The following SCUBE3 variants were observed in gnomAD, a reference collection of about 807,000 sequenced individuals.
The protein encoded by SCUBE3 is signal peptide, CUB and EGF-like domain-containing protein 3.
In SCUBE3, 33 loss-of-function variants were observed where a neutral mutation model predicts 116.8. That is an observed-to-expected ratio of 0.28 (90% CI 0.21 to 0.38). SCUBE3 has a LOEUF of 0.38. SCUBE3 is among the 10% of genes least tolerant of loss of function. The pLI is 1.00. For missense variants in SCUBE3, 1,007 were observed against 1,324.8 expected, an observed-to-expected ratio of 0.76 and a Z score of 3.72; for synonymous variants, 418 against 496.9, an observed-to-expected ratio of 0.84 and a Z score of 2.11.
Position 35,231,525 on chromosome 6 carries a change from C to G in SCUBE3, c.335-200C>G, listed in dbSNP as rs139869572. ...CAAAGGTCCCCTTTTCCCCCACTTG[C>G]TTAGCTTCCCAGCTCTGCCCTCAGG... On this transcript the variant is annotated intron_variant, in intron 3 of 21. Transcript: ENST00000274938. This position sits in a 1 kb window ranked among gnomAD's most constrained non-coding sequence, Gnocchi z 4.2. Among the ~76,000 whole-genome samples the G allele has an allele frequency of 6.6e-6, 1 of 152,320 alleles. No individual in the cohort carries two copies. The highest frequency in any genetic ancestry group is 2.4e-5 in the African/African-American group (1 of 41,564).
rs1438456665 is a variant in SCUBE3 at position 35,232,408 on chromosome 6, T to C, written c.470-442T>C. On this transcript the variant is annotated intron_variant, in intron 4 of 21. Coordinates refer to ENST00000274938, the MANE Select transcript of SCUBE3 (RefSeq NM_152753.4). This position sits in a 1 kb window ranked among gnomAD's most constrained non-coding sequence, Gnocchi z 4.2. Reference sequence around the variant, plus strand: ...TGAATAAAATTGCATAGTAAATATCTATACCAATTACCCTCCACTCTCATT... The same window carrying C: ...TGAATAAAATTGCATAGTAAATATCCATACCAATTACCCTCCACTCTCATT... Among the ~76,000 whole-genome samples, 1 of 152,164 alleles carries C rather than the reference T, an allele frequency of 6.6e-6. No homozygotes were observed. The highest frequency in any genetic ancestry group is 1.9e-4 in the East Asian group (1 of 5,202).
Position 35,247,580 on chromosome 6 carries a change from C to T in SCUBE3, c.2833-976C>T, listed in dbSNP as rs184293244. Among the ~76,000 whole-genome samples, 924 of 152,146 alleles carry T rather than the reference C, an allele frequency of 6.1e-3. 8 individuals carry two copies. Among genetic ancestry groups the T allele is most frequent in the Non-Finnish European group, 9.0e-3 (612 of 68,014 alleles). On this transcript the variant is annotated intron_variant, in intron 21 of 21. Transcript: ENST00000274938. ...CCTTGACAACAAAAATCACCTAGAA[C>T]TTGCAGACTTCAAAGAATATACTTT...
In SCUBE3 at chr6:35,243,124, C is replaced by A. The variant is rs1562057890; in HGVS notation, c.1797C>A (p.Arg599=). The change falls in exon 15 of 22, where the codon CGC becomes CGA. Residue 599 remains arginine, a synonymous_variant. Coordinates refer to ENST00000274938, the MANE Select transcript of SCUBE3 (RefSeq NM_152753.4). This position sits in a 1 kb window ranked among gnomAD's most constrained non-coding sequence, Gnocchi z 6.6. ...TCAACCAGGACCGCTTCCTGCTGCG[C>A]CTGGCAGGCCTTGATTATGAGCTGG... is the stretch of plus-strand genomic sequence containing the variant. ...KSINQDRFLL[R]LAGLDYELAH... is the part of the protein sequence containing the mutation. 3 of 1,614,116 alleles carry A rather than the reference C, an allele frequency of 1.9e-6. No homozygotes were observed. The highest frequency in any genetic ancestry group is 3.3e-5 in the Admixed American group (2 of 60,014).
intron 1 of SCUBE3, among the ~76,000 whole-genome samples, chr6:35,220,076 T>C (rs1406873615): frequency 1.3e-5 from 2 of 152,216 alleles, no homozygotes; most frequent in Admixed American, 1.3e-4. Flanking sequence ...ACATTTCAGC[T>C]CCTTCCGCTC....
At position 35,241,785 on chromosome 6, in the gene SCUBE3, G is replaced by A. The variant is rs1243125728; in HGVS notation, c.1313-21G>A. 1.3e-6 allele frequency: 2 copies of A among 1,598,012 alleles called. No individual in the cohort carries two copies. The highest frequency in any genetic ancestry group is 2.2e-5 in the South Asian group (2 of 90,806). ...GGGGTTGGGAAGGCAGGTCAGAACT[G>A]TGACAGGCTCCTTTTCTCAGAGTCT... On this transcript the variant is annotated intron_variant, in intron 11 of 21. Transcript: ENST00000274938. The surrounding 1 kb of genome is among the most constrained non-coding windows in gnomAD (Gnocchi z 4.1).
At chr6:35,220,023 G>C (rs2150283639) in intron 1 of SCUBE3, among the ~76,000 whole-genome samples, 1 of 152,268 alleles carries the variant, frequency 6.6e-6, no homozygotes, top group Admixed American at 6.5e-5. Context: ...CAAAGCCTCA[G>C]AGCATCTGCA....
intron 2 of SCUBE3, 23 bp downstream of exon 2, chr6:35,227,725 A>T: frequency 1.9e-6 from 3 of 1,613,522 alleles, no homozygotes; most frequent in Non-Finnish European, 1.7e-6. Flanking sequence ...GGGCACCTGG[A>T]GGAGAGGGAC....
In SCUBE3 at chr6:35,219,078, A is replaced by G. The variant is rs1426492129; in HGVS notation, c.85+4575A>G. On this transcript the variant is annotated intron_variant, in intron 1 of 21. Coordinates refer to ENST00000274938, the MANE Select transcript of SCUBE3 (RefSeq NM_152753.4). This position sits in a 1 kb window ranked among gnomAD's most constrained non-coding sequence, Gnocchi z 4.7. Reference sequence around the variant, plus strand: ...CGCTCTCCTCCTTGGATGCTGGTCCACTTCTGCCTGCCTGAGGCTAGGTCA... The same window carrying G: ...CGCTCTCCTCCTTGGATGCTGGTCCGCTTCTGCCTGCCTGAGGCTAGGTCA... Among the ~76,000 whole-genome samples, 2 of 152,108 alleles carry G rather than the reference A, an allele frequency of 1.3e-5. No individual in the cohort carries two copies. Among genetic ancestry groups the G allele is most frequent in the Non-Finnish European group, 2.9e-5 (2 of 68,012 alleles).
Position 35,243,165 on chromosome 6 carries a change from T to C in SCUBE3, c.1838T>C (p.Leu613Pro). 1 of 1,614,160 alleles carries C rather than the reference T, an allele frequency of 6.2e-7. No homozygotes were observed. The highest frequency in any genetic ancestry group is 8.5e-7 in the Non-Finnish European group (1 of 1,180,026). Residue 613 changes from leucine to proline, a missense_variant, in exon 15 of 22, where the codon CTG (leucine) becomes CCG (proline). Transcript: ENST00000274938. The surrounding 1 kb of genome is among the most constrained non-coding windows in gnomAD (Gnocchi z 6.6). ...TATGAGCTGGCCCACAAGCCGGGCC[T>C]GGTAGCCGGGGAGCGAGCAGAGCCG... Reference protein sequence around the residue: ...LDYELAHKPGLVAGERAEPME... With the variant: ...LDYELAHKPGPVAGERAEPME...
At position 35,245,209 on chromosome 6, in the gene SCUBE3, C is replaced by T. The variant is rs1784281215; in HGVS notation, c.2402-19C>T. The T allele has an allele frequency of 6.2e-7, 1 of 1,612,528 alleles. No individual in the cohort carries two copies. Among genetic ancestry groups the T allele is most frequent in the South Asian group, 1.1e-5 (1 of 91,056 alleles). On this transcript the variant is annotated intron_variant, in intron 18 of 21. Transcript: ENST00000274938. The surrounding 1 kb of genome is among the most constrained non-coding windows in gnomAD (Gnocchi z 4.2). ...CTTCCCTTCTCTGTCTTGTTTTATC[C>T]ACTGGGGTTTGGCTGCAGATCGTCA... is the stretch of plus-strand genomic sequence containing the variant.
In SCUBE3 at chr6:35,242,009, T is replaced by A. The variant is rs549185123; in HGVS notation, c.1417+99T>A. On this transcript the variant is annotated intron_variant, in intron 12 of 21. Coordinates refer to ENST00000274938, the MANE Select transcript of SCUBE3 (RefSeq NM_152753.4). ...TCCCCTGGCCTTCCTTTCTCCTGGA[T>A]CCTCTTTTTTGCCCTGTAATTCTCC... 5.2e-6 allele frequency: 5 copies of A among 965,700 alleles called. No individual in the cohort carries two copies. In the East Asian group the frequency reaches 1.2e-4, roughly 23 times the overall value. The allele number at this position is 965,700 out of a possible 1,614,324, so 59.8% of individuals were successfully genotyped here. A position where few individuals can be genotyped will look rare whatever the true frequency, so the allele number is the denominator to read the frequency against.
Position 35,232,973 on chromosome 6 carries a change from A to T in SCUBE3, c.593A>T (p.Lys198Ile). The change falls in exon 5 of 22, where the codon AAA becomes ATA. Residue 198 changes from lysine to isoleucine, a missense_variant and splice_region_variant. Lys to Ile is a moderately radical substitution (Grantham distance 102). Around this residue, in one of 5 missense-constraint regions of SCUBE3, gnomAD observed 214 missense variants for 316.7 expected, o/e 0.68. Transcript: ENST00000274938. This position sits in a 1 kb window ranked among gnomAD's most constrained non-coding sequence, Gnocchi z 4.2. ...FELTKNQRDC[K>I]LTCNYGNGGC... ...CTTACCAAGAACCAACGGGACTGTA[A>T]ATGTGAGATAATTGGGATGGCAGGT... is the stretch of plus-strand genomic sequence containing the variant. 6.2e-7 allele frequency: 1 copy of T among 1,613,958 alleles called. No individual in the cohort carries two copies.
intron 1 of SCUBE3, among the ~76,000 whole-genome samples, chr6:35,217,745 G>A (rs181386180): frequency 2.6e-5 from 4 of 152,208 alleles, no homozygotes; most frequent in Non-Finnish European, 1.5e-5. Flanking sequence ...GTGGGCAGCC[G>A]GCTATTGCCT....
intron 13 of SCUBE3, 67 bp from the exon 14 acceptor site, chr6:35,242,555 T>C: frequency 7.1e-7 from 1 of 1,409,804 alleles, no homozygotes; most frequent in East Asian, 2.3e-5. Context: ...TCTGGGGAGG[T>C]CTGTCTGGGC....
Position 35,214,567 on chromosome 6 carries a change from C to G in SCUBE3, c.85+64C>G. The stretch of plus-strand genomic sequence containing the variant: ...GCTGCTGGGCCTCAGGGCCTAGGAG[C>G]GATTCCCGAGGGGCAGGGCAGGTGC... On this transcript the variant is annotated intron_variant, in intron 1 of 21. Transcript: ENST00000274938. This position sits in a 1 kb window ranked among gnomAD's most constrained non-coding sequence, Gnocchi z 6.3. 1 of 1,096,612 alleles carries G rather than the reference C, an allele frequency of 9.1e-7. No individual in the cohort carries two copies. Among genetic ancestry groups the G allele is most frequent in the Non-Finnish European group, 1.2e-6 (1 of 813,886 alleles). The allele number at this position is 1,096,612 out of a possible 1,614,324, so 67.9% of individuals were successfully genotyped here.
chr6:35,243,946 C>A lies in SCUBE3; in HGVS notation c.2072-17C>A, dbSNP rs1234310848. 3 of 1,611,192 alleles carry A rather than the reference C, an allele frequency of 1.9e-6. No individual in the cohort carries two copies. Among genetic ancestry groups the A allele is most frequent in the Non-Finnish European group, 2.5e-6 (3 of 1,178,222 alleles). The stretch of plus-strand genomic sequence containing the variant: ...CAGGACCATCCCCATCAGAGTTGGG[C>A]CCTTGATTCATTGCAGGTCAGTGCC... On this transcript the variant is annotated splice_polypyrimidine_tract_variant and intron_variant, in intron 16 of 21. Transcript: ENST00000274938. This position sits in a 1 kb window ranked among gnomAD's most constrained non-coding sequence, Gnocchi z 6.6.
chr6:35,214,041 C>G lies in SCUBE3; in HGVS notation c.-378C>G, dbSNP rs1385048463. 1.3e-5 allele frequency among the ~76,000 whole-genome samples: 2 copies of G among 152,174 alleles called. No individual in the cohort carries two copies. The highest frequency in any genetic ancestry group is 1.3e-4 in the Admixed American group (2 of 15,288). Reference sequence around the variant, plus strand: ...CTTTCTCAGGTCCTTCGCTCGGGCTCTGCGCGCTCTCCGGCTGCAGCTCTC... The same window carrying G: ...CTTTCTCAGGTCCTTCGCTCGGGCTGTGCGCGCTCTCCGGCTGCAGCTCTC... On this transcript the variant is annotated 5_prime_UTR_variant, in exon 1 of 22. Coordinates refer to ENST00000274938, the MANE Select transcript of SCUBE3 (RefSeq NM_152753.4). The surrounding 1 kb of genome is among the most constrained non-coding windows in gnomAD (Gnocchi z 6.3).
At chr6:35,242,833 G>A in intron 14 of SCUBE3, 53 bp downstream of exon 14, 1 of 1,596,088 alleles carries the variant, frequency 6.3e-7, no homozygotes, top group Non-Finnish European at 8.6e-7. Context: ...GGCAGAGGTG[G>A]GGAAACCACA....
rs368928057 is a variant in SCUBE3, at chr6:35,241,909, T to C, written c.1416T>C (p.His472=). 2.5e-6 allele frequency: 4 copies of C among 1,602,172 alleles called. No individual in the cohort carries two copies. The highest frequency in any genetic ancestry group is 1.1e-5 in the South Asian group (1 of 90,950). ...NGNSTNSNHC[H]EAAVLSIKQR... ...ACAGCACCAACTCCAACCACTGCCA[T>C]GGTAAGCACCAGCCCAGAAGCCCTG... Residue 472 remains histidine (H), a splice_region_variant and synonymous_variant, in exon 12 of 22, where the codon CAT becomes CAC. Transcript: ENST00000274938. This position sits in a 1 kb window ranked among gnomAD's most constrained non-coding sequence, Gnocchi z 4.1.
Sources: allele counts gnomAD v4.1 joint callset (sites outside exome capture counted in the v4.1 genomes callset), GRCh38; gene constraint gnomAD v4.1.1; regional missense constraint gnomAD v4.1.1; non-coding constraint Gnocchi (gnomAD v3.1); transcripts MANE v1.5; gene names NCBI Gene and HGNC (gene_info 2026-07-23, HGNC 2026-07-21).